The following LGI3 variants were observed in gnomAD, a reference collection of about 807,000 sequenced individuals.
LGI3 encodes leucine rich repeat LGI family member 3.
LGI3 carries 47 observed loss-of-function variants against 55.4 expected under a neutral mutation model. The ratio of observed to expected loss-of-function variants is 0.85; its 90% confidence interval spans 0.67 to 1.08. The LOEUF (loss-of-function observed/expected upper bound fraction) is 1.08, where lower values mean the gene tolerates loss of function less well. LGI3 is among the 50% of genes least tolerant of loss of function. LGI3 has a pLI of 0.00. For missense variants in LGI3, 664 were observed against 726.3 expected (o/e 0.91, Z 0.99); for synonymous variants, 326 against 315.0 (o/e 1.04, Z -0.37).
Position 22,155,400 on chromosome 8 carries a change from C to A in LGI3, c.270G>T (p.Leu90=). 1 of 1,613,896 alleles carries A rather than the reference C, an allele frequency of 6.2e-7. No homozygotes were observed. The highest frequency in any genetic ancestry group is 8.5e-7 in the Non-Finnish European group (1 of 1,179,940). The part of the protein sequence containing the change: ...QDGAFSHLPL[L]QFLLLNSNKF... ...CAAGGCCCTATCCATACAAGAACTG[C>A]AGCAGCGGGAGGTGGGAGAACGCTC... Residue 90 remains leucine, a synonymous_variant, in exon 2 of 8, where the codon CTG becomes CTT. Coordinates refer to ENST00000306317, the MANE Select transcript of LGI3 (RefSeq NM_139278.4).
rs554707145 is a variant in LGI3, at chr8:22,147,161, A to G, written c.*999T>C. The G allele has an allele frequency of 1.7e-4, 26 of 152,360 alleles. No individual in the cohort carries two copies. Among genetic ancestry groups the G allele is most frequent in the African/African-American group, 5.8e-4 (24 of 41,502 alleles). The allele number at this position is 152,360 out of a possible 1,614,324, so 9.4% of individuals were successfully genotyped here. A position where few individuals can be genotyped will look rare whatever the true frequency, so the allele number is the denominator to read the frequency against. ...TGCAGCTCGGCCAGCTCTCTAATCC[A>G]CCCAAGGAGCCCGCCCAGCTCAAGG... is the stretch of plus-strand genomic sequence containing the variant. On this transcript the variant is annotated 3_prime_UTR_variant, in exon 8 of 8. Transcript: ENST00000306317.
rs2131790791 is a variant in LGI3, at chr8:22,148,384, C to CA, written c.1422dup (p.Val475CysfsTer12). ...AGTGCCAGGTAGCGGCGGCCACCCA[C>CA]AAGGAAGGGCTGCAGGGCCAGCGAG... is the stretch of plus-strand genomic sequence containing the variant. On this transcript the variant is annotated frameshift_variant, in exon 8 of 8. Coordinates refer to ENST00000306317, the MANE Select transcript of LGI3 (RefSeq NM_139278.4). LOFTEE classifies it high-confidence loss of function. This position sits in a 1 kb window ranked among gnomAD's most constrained non-coding sequence, Gnocchi z 7.0. 2 of 1,613,404 alleles carry CA rather than the reference C, an allele frequency of 1.2e-6. No individual in the cohort carries two copies. Among genetic ancestry groups the CA allele is most frequent in the East Asian group, 4.5e-5 (2 of 44,868 alleles).
chr8:22,153,280 T>C (rs1264771595), intron 5 of LGI3, among the ~76,000 whole-genome samples: 1 of 151,126 alleles, frequency 6.6e-6, no homozygotes, highest in Admixed American at 6.6e-5. Context: ...AGACGGCGTT[T>C]CACCATGTTG....
Position 22,148,074 on chromosome 8 carries a change from C to A in LGI3, c.*86G>T, listed in dbSNP as rs1376458900. On this transcript the variant is annotated 3_prime_UTR_variant, in exon 8 of 8. Transcript: ENST00000306317. This position sits in a 1 kb window ranked among gnomAD's most constrained non-coding sequence, Gnocchi z 7.0. ...GCATGAATGCAGGTTGGTCGCTTGT[C>A]TTCACACAGGCATACGTGGTGCTCA... is the stretch of plus-strand genomic sequence containing the variant. The A allele has an allele frequency of 1.4e-5, 17 of 1,201,448 alleles. No individual in the cohort carries two copies. Among genetic ancestry groups the A allele is most frequent in the African/African-American group, 3.0e-5 (2 of 65,598 alleles). 74.4% of individuals were successfully genotyped at this position (1,201,448 alleles called of 1,614,324 possible). A position where few individuals can be genotyped will look rare whatever the true frequency, so the allele number is the denominator to read the frequency against.
intron 7 of LGI3, among the ~76,000 whole-genome samples, chr8:22,150,745 C>T (rs1563209239): frequency 6.6e-6 from 1 of 152,064 alleles, no homozygotes; most frequent in Non-Finnish European, 1.5e-5. Context: ...CAGACAGGCA[C>T]ATATCCCCCT....
In LGI3 at chr8:22,151,485, G is replaced by T. The variant is rs1827376933; in HGVS notation, c.829+4C>A. ...GCCAGCAGAACCAGATTGGGCGCAG[G>T]TACCTGGGATTCTATCATAGTCTCG... On this transcript the variant is annotated splice_donor_region_variant and intron_variant, in intron 7 of 7. Transcript: ENST00000306317. 2 of 1,613,414 alleles carry T rather than the reference G, an allele frequency of 1.2e-6. No homozygotes were observed. The highest frequency in any genetic ancestry group is 2.2e-5 in the South Asian group (2 of 90,984).
chr8:22,151,350 A>C, intron 7 of LGI3, 139 bp downstream of exon 7: 3 of 804,870 alleles, frequency 3.7e-6, no homozygotes, highest in Non-Finnish European at 2.0e-6. Context: ...GCCTCTTCCC[A>C]AAGACTGGAA....
Position 22,147,909 on chromosome 8 carries a change from C to T in LGI3, c.*251G>A, listed in dbSNP as rs1563206878. 2.0e-6 allele frequency: 1 copy of T among 496,044 alleles called. No homozygotes were observed. The allele number at this position is 496,044 out of a possible 1,614,324, so 30.7% of individuals were successfully genotyped here. A position where few individuals can be genotyped will look rare whatever the true frequency, so the allele number is the denominator to read the frequency against. On this transcript the variant is annotated 3_prime_UTR_variant, in exon 8 of 8. Transcript: ENST00000306317. ...GGAAAGGCTGCAGAGTAGGGGGGGC[C>T]TGCAGTTGGGGTCACGGGAACTGGG...
rs1317244411 is a variant in LGI3, at chr8:22,148,685, G to A, written c.1122C>T (p.His374=). 1 of 1,614,098 alleles carries A rather than the reference G, an allele frequency of 6.2e-7. No individual in the cohort carries two copies. The highest frequency in any genetic ancestry group is 1.1e-5 in the South Asian group (1 of 91,078). Residue 374 remains histidine, a synonymous_variant, in exon 8 of 8, where the codon CAC becomes CAT. Coordinates refer to ENST00000306317, the MANE Select transcript of LGI3 (RefSeq NM_139278.4). This position sits in a 1 kb window ranked among gnomAD's most constrained non-coding sequence, Gnocchi z 7.0. ...FYSHQALHPW[H]RDTDLEFVDG... ...CCACAAACTCCAGGTCGGTGTCACG[G>A]TGCCAGGGGTGCAGTGCCTGGTGGG...
In LGI3 at chr8:22,151,480, C is replaced by T. The variant is rs758650109; in HGVS notation, c.829+9G>A. 5.6e-6 allele frequency: 9 copies of T among 1,612,964 alleles called. No individual in the cohort carries two copies. The African/African-American group carries it at 6.7e-5, about 12-fold the overall frequency. On this transcript the variant is annotated intron_variant, in intron 7 of 7. Coordinates refer to ENST00000306317, the MANE Select transcript of LGI3 (RefSeq NM_139278.4). ...CAAGGGCCAGCAGAACCAGATTGGG[C>T]GCAGGTACCTGGGATTCTATCATAG... is the stretch of plus-strand genomic sequence containing the variant.
At position 22,148,766 on chromosome 8, in the gene LGI3, G is replaced by A. The variant is rs1827340155; in HGVS notation, c.1041C>T (p.Asp347=). The A allele has an allele frequency of 8.7e-6, 14 of 1,614,164 alleles. 1 individual carries two copies. Among genetic ancestry groups the A allele is most frequent in the Middle Eastern group, 3.3e-4 (2 of 6,062 alleles). ...GGCTGGTGGCGCCTGCCTTGGAGCT[G>A]TCAGCCACGGCAAAGTACCAGTCAC... is the stretch of plus-strand genomic sequence containing the variant. ...IDGDWYFAVA[D]SSKAGATSLY... is the part of the protein sequence containing the mutation. The change falls in exon 8 of 8, where the codon GAC becomes GAT. Residue 347 remains aspartate (D), a synonymous_variant. Transcript: ENST00000306317. The surrounding 1 kb of genome is among the most constrained non-coding windows in gnomAD (Gnocchi z 7.0).
chr8:22,151,385 C>T (rs1217342941), intron 7 of LGI3, 104 bp downstream of exon 7: 2 of 1,101,312 alleles, frequency 1.8e-6, no homozygotes, highest in African/African-American at 1.5e-5. Context: ...GAGGGTATGT[C>T]TCATCTATCC....
At position 22,148,939 on chromosome 8, in the gene LGI3, T is replaced by G. The variant is rs1436117774; in HGVS notation, c.868A>C (p.Ser290Arg). The G allele has an allele frequency of 1.2e-6, 2 of 1,613,778 alleles. No homozygotes were observed. Among genetic ancestry groups the G allele is most frequent in the Non-Finnish European group, 1.7e-6 (2 of 1,179,908 alleles). Residue 290 changes from serine (S) to arginine (R), a missense_variant, in exon 8 of 8, where the codon AGC becomes CGC. Ser to Arg is a moderately radical substitution (Grantham distance 110). Transcript: ENST00000306317. The surrounding 1 kb of genome is among the most constrained non-coding windows in gnomAD (Gnocchi z 7.0). ...AVHCKPMVVDSQLYVVVAQLF... is the reference protein window; with the variant it reads ...AVHCKPMVVDRQLYVVVAQLF... ...TGGGCCACGACCACGTACAGCTGGC[T>G]GTCCACCACCATCGGCTTGCAGTGC... is the stretch of plus-strand genomic sequence containing the variant.
chr8:22,154,305 T>C, intron 3 of LGI3, 92 bp from the exon 4 acceptor site: 1 of 1,097,548 alleles, frequency 9.1e-7, no homozygotes, highest in Non-Finnish European at 1.4e-6. Context: ...TTTCAGCCCG[T>C]GTCCCCGAGA....
chr8:22,151,654 C>T lies in LGI3; in HGVS notation c.665-1G>A, dbSNP rs1827380084. 1.9e-6 allele frequency: 3 copies of T among 1,613,522 alleles called. No homozygotes were observed. Among genetic ancestry groups the T allele is most frequent in the Non-Finnish European group, 2.5e-6 (3 of 1,179,790 alleles). ...GCCAGGGTCTGGTACAACACAAAAT[C>T]TGCAAGATGAGAGGTGCGTTACTGA... On this transcript the variant is annotated splice_acceptor_variant, in intron 6 of 7. Coordinates refer to ENST00000306317, the MANE Select transcript of LGI3 (RefSeq NM_139278.4). LOFTEE classifies it high-confidence loss of function.
In LGI3 at chr8:22,148,199, C is replaced by A. The variant is rs774395356; in HGVS notation, c.1608G>T (p.Thr536=). The A allele has an allele frequency of 3.1e-6, 5 of 1,612,586 alleles. No individual in the cohort carries two copies. The East Asian group carries it at 1.1e-4, about 36-fold the overall frequency. ...CCACCACAATGTGTCTATACACCAG[C>A]GTCTGTCCCTTGAAGCTGGGGGCCA... is the stretch of plus-strand genomic sequence containing the variant. The part of the protein sequence containing the change: ...LLLAPSFKGQ[T]LVYRHIVVDL... Residue 536 remains threonine (T), a synonymous_variant, in exon 8 of 8, where the codon ACG becomes ACT. Transcript: ENST00000306317. This position sits in a 1 kb window ranked among gnomAD's most constrained non-coding sequence, Gnocchi z 7.0.
chr8:22,156,444 G>A lies in LGI3; in HGVS notation c.99C>T (p.Pro33=), dbSNP rs1827503229. 3.8e-6 allele frequency: 6 copies of A among 1,563,182 alleles called. No homozygotes were observed. The highest frequency in any genetic ancestry group is 1.4e-5 in the African/African-American group (1 of 72,514). Residue 33 remains proline, a synonymous_variant, in exon 1 of 8, where the codon CCC becomes CCT. Coordinates refer to ENST00000306317, the MANE Select transcript of LGI3 (RefSeq NM_139278.4). ...CLMLQVSAKR[P]PKTPPCPPSC... is the part of the protein sequence containing the mutation. ...TGGGCGGGCAGGGGGGCGTCTTGGG[G>A]GGCCTCTTAGCGCTGACTTGCAGCA...
intron 5 of LGI3, among the ~76,000 whole-genome samples, chr8:22,153,167 C>A (rs1352609254): frequency 1.3e-5 from 2 of 150,544 alleles, no homozygotes; most frequent in Non-Finnish European, 3.0e-5. Context: ...TTACTGCAAC[C>A]TCTGCCTCCC....
In LGI3 at chr8:22,154,013, G is replaced by A. The variant is rs568454198; in HGVS notation, c.449C>T (p.Thr150Ile). The part of the protein sequence containing the change: ...HLSLANNNLQ[T>I]LPRDIFRPLD... Reference sequence around the variant, plus strand: ...GGGCCGGAAGATGTCTCTGGGCAGTGTCTGCAGGTTATTGTTGGCCAGCGA... The same window carrying A: ...GGGCCGGAAGATGTCTCTGGGCAGTATCTGCAGGTTATTGTTGGCCAGCGA... The change falls in exon 5 of 8, where the codon ACA becomes ATA. Residue 150 changes from threonine (T) to isoleucine (I), a missense_variant. Physicochemically the swap from Thr to Ile is moderately conservative, Grantham distance 89 (BLOSUM62 -1). Transcript: ENST00000306317. The A allele has an allele frequency of 1.2e-4, 197 of 1,614,204 alleles. 1 individual carries two copies. The South Asian group carries it at 2.0e-3, about 17-fold the overall frequency.
Sources: gnomAD v4.1 joint callset for allele counts (sites outside exome capture counted in the v4.1 genomes callset) on GRCh38, gnomAD v4.1.1 for gene constraint, Gnocchi (gnomAD v3.1) non-coding constraint, MANE v1.5 for transcripts, NCBI Gene and HGNC (gene_info 2026-07-23, HGNC 2026-07-21) for gene names.